PPEF1: variants seen among roughly 807,000 people sequenced by gnomAD.
The protein encoded by PPEF1 is protein phosphatase with EF-hand domain 1.
A neutral mutation model predicts 53.3 loss-of-function variants in PPEF1; 12 were observed. The ratio of observed to expected loss-of-function variants is 0.23; its 90% confidence interval spans 0.14 to 0.36. PPEF1 has a LOEUF of 0.36. PPEF1 is among the 10% of genes least tolerant of loss of function. The pLI, the probability that PPEF1 is intolerant of heterozygous loss-of-function variation, is 1.00. For synonymous variants in PPEF1, 165 were observed against 176.7 expected (o/e 0.93, Z 0.52); for missense variants, 334 against 490.4 (o/e 0.68, Z 3.01).
intron 3 of PPEF1, among the ~76,000 whole-genome samples, chrX:18,736,390 G>C (rs773520101): frequency 8.9e-6 from 1 of 112,159 alleles, no homozygotes; most frequent in South Asian, 3.7e-4. Flanking sequence ...AGATAATCGT[G>C]TGGTTTTTGT....
At chrX:18,777,530 C>CAG (rs2045992081) in intron 6 of PPEF1, among the ~76,000 whole-genome samples, 2 of 100,464 alleles carry the variant, frequency 2.0e-5, no homozygotes, top group African/African-American at 7.3e-5. Flanking sequence ...CTTTTTTTTT[C>CAG]CTCTTTTGAG....
At chrX:18,791,261 C>T (rs1322282097) in intron 10 of PPEF1, among the ~76,000 whole-genome samples, 1 of 111,417 alleles carries the variant, frequency 9.0e-6, no homozygotes, top group African/African-American at 3.3e-5. Context: ...ATTGATTTGT[C>T]AATATCTACC....
chrX:18,727,339 T>C (rs750701491), intron 1 of PPEF1, among the ~76,000 whole-genome samples: 1 of 111,370 alleles, frequency 9.0e-6, no homozygotes, highest in East Asian at 2.8e-4. Context: ...ATAGCGACTG[T>C]CCCACAGAAC....
At chrX:18,749,448 G>C (rs1331262970) in intron 3 of PPEF1, among the ~76,000 whole-genome samples, 1 of 111,881 alleles carries the variant, frequency 8.9e-6, no homozygotes, top group East Asian at 2.8e-4. Context: ...GTAAAAGTCT[G>C]AGATGTAAGA....
chrX:18,799,257 C>G (rs1250195134), intron 10 of PPEF1, among the ~76,000 whole-genome samples: 1 of 103,812 alleles, frequency 9.6e-6, no homozygotes, highest in African/African-American at 3.6e-5. Context: ...ATGACATGGT[C>G]TAGCTGGGCG....
chrX:18,810,227 C>G (rs1569270889), intron 12 of PPEF1, among the ~76,000 whole-genome samples: 1 of 108,721 alleles, frequency 9.2e-6, no homozygotes, highest in African/African-American at 3.3e-5. Flanking sequence ...TAACATTGGA[C>G]AATCTGAAAA....
At chrX:18,728,632 A>G (rs1400116591) in intron 1 of PPEF1, among the ~76,000 whole-genome samples, 1 of 111,417 alleles carries the variant, frequency 9.0e-6, no homozygotes, top group Non-Finnish European at 1.9e-5. Flanking sequence ...GTTTTTCCCT[A>G]TAAAGCTCAT....
At chrX:18,777,543 G>A (rs1044667500) in intron 6 of PPEF1, among the ~76,000 whole-genome samples, 76 of 107,925 alleles carry the variant, frequency 7.0e-4, no homozygotes, top group African/African-American at 2.4e-3. Flanking sequence ...CTTTTGAGAC[G>A]GAGTCTTGCT....
rs201368819 is a variant in PPEF1, at chrX:18,810,951, AC to A, written c.1394+4407del. 8.1e-3 allele frequency among the ~76,000 whole-genome samples: 911 copies of A among 112,641 alleles called. 6 individuals are homozygous for A. The highest frequency in any genetic ancestry group is 0.028 in the African/African-American group (876 of 31,038). ...GTTTAACATTTTGAGAAACTTGCAA[AC>A]TTTTTTCCCAAGAAGCTAACCAGTT... On this transcript the variant is annotated intron_variant, in intron 12 of 15. Coordinates refer to ENST00000470157, the MANE Select transcript of PPEF1 (RefSeq NM_001377996.1).
chrX:18,796,701 G>C (rs1367579938), intron 10 of PPEF1, among the ~76,000 whole-genome samples: 2 of 111,790 alleles, frequency 1.8e-5, no homozygotes, highest in Non-Finnish European at 3.8e-5. Flanking sequence ...TGAGGAGAGA[G>C]AGAAGTGGGG....
chrX:18,819,570 T>C (rs1320401116), intron 13 of PPEF1, among the ~76,000 whole-genome samples: 1 of 110,746 alleles, frequency 9.0e-6, no homozygotes, highest in Non-Finnish European at 1.9e-5. Flanking sequence ...GGCAGGCACC[T>C]GTAATCCCAG....
At chrX:18,728,142 G>A (rs2044750581) in intron 1 of PPEF1, among the ~76,000 whole-genome samples, 1 of 110,356 alleles carries the variant, frequency 9.1e-6, no homozygotes, top group African/African-American at 3.3e-5. Context: ...CTGTATCAGG[G>A]CCATGGATGA....
intron 1 of PPEF1, among the ~76,000 whole-genome samples, chrX:18,716,531 CAAAAA>C (rs34160021): frequency 6.7e-5 from 3 of 44,632 alleles, no homozygotes; most frequent in African/African-American, 1.7e-4. Flanking sequence ...GACACCATCT[CAAAAA>C]AAAAAAAAAA....
At chrX:18,774,488 C>T (rs1177983850) in intron 6 of PPEF1, among the ~76,000 whole-genome samples, 1 of 112,195 alleles carries the variant, frequency 8.9e-6, no homozygotes, top group Non-Finnish European at 1.9e-5. Flanking sequence ...AATGCAGGCT[C>T]CTCGAATACA....
chrX:18,707,976 A>C, intron 1 of PPEF1, 150 bp downstream of exon 1: 3 of 443,280 alleles, frequency 6.8e-6, no homozygotes, highest in Non-Finnish European at 1.2e-5. Flanking sequence ...AGGAAACTAC[A>C]TTTAGGAAGA....
At chrX:18,809,596 T>A (rs1217694505) in intron 12 of PPEF1, among the ~76,000 whole-genome samples, 1 of 108,286 alleles carries the variant, frequency 9.2e-6, no homozygotes, top group Non-Finnish European at 1.9e-5. Flanking sequence ...TCCCAGCTAC[T>A]CTGGAGGCTG....
intron 5 of PPEF1, among the ~76,000 whole-genome samples, chrX:18,759,058 T>C (rs901350522): frequency 2.7e-5 from 3 of 111,248 alleles, no homozygotes; most frequent in Middle Eastern, 4.6e-3. Context: ...ACATCTGCCA[T>C]CCTGACTCGC....
At chrX:18,788,091 C>T (rs1013457563) in intron 9 of PPEF1, among the ~76,000 whole-genome samples, 20 of 111,304 alleles carry the variant, frequency 1.8e-4, no homozygotes, top group South Asian at 7.5e-4. Context: ...CCAAGGCGGG[C>T]GGATCACGAG....
intron 10 of PPEF1, among the ~76,000 whole-genome samples, chrX:18,794,778 CAA>C (rs1301245528): frequency 8.9e-6 from 1 of 111,973 alleles, no homozygotes; most frequent in Non-Finnish European, 1.9e-5. Context: ...CCTTCTGGGG[CAA>C]AACCATAGCC....
Sources: gnomAD v4.1 joint callset for allele counts (sites outside exome capture counted in the v4.1 genomes callset) on GRCh38, gnomAD v4.1.1 for gene constraint, MANE v1.5 for transcripts, NCBI Gene and HGNC (gene_info 2026-07-23, HGNC 2026-07-21) for gene names.